Variants in PDE3A observed in about 807,000 individuals in gnomAD.
PDE3A encodes phosphodiesterase 3A.
A neutral mutation model predicts 98.3 loss-of-function variants in PDE3A; 43 were observed. The ratio of observed to expected loss-of-function variants is 0.44; its 90% CI spans 0.34 to 0.56. The LOEUF (loss-of-function observed/expected upper bound fraction) is 0.56. PDE3A is among the 20% of genes least tolerant of loss of function. PDE3A has a pLI of 0.01. For synonymous variants in PDE3A, 663 were observed against 567.9 expected (o/e 1.17, Z -2.38); for missense variants, 1,427 against 1,440.7 (o/e 0.99, Z 0.15).
At chr12:20,553,317 G>A (rs935859786) in intron 1 of PDE3A, among the ~76,000 whole-genome samples, 1 of 98,670 alleles carries the variant, frequency 1.0e-5, no homozygotes, top group African/African-American at 4.0e-5. Context: ...GAAACTACGT[G>A]GTGTGGAGGC....
At chr12:20,391,403 A>G (rs1404392237) in intron 1 of PDE3A, among the ~76,000 whole-genome samples, 1 of 147,758 alleles carries the variant, frequency 6.8e-6, no homozygotes, top group Non-Finnish European at 1.5e-5. Context: ...ACACACATAC[A>G]TGCATTATAC....
chr12:20,537,353 C>T (rs1286012301), intron 1 of PDE3A, among the ~76,000 whole-genome samples: 2 of 151,854 alleles, frequency 1.3e-5, no homozygotes, highest in Non-Finnish European at 2.9e-5. Flanking sequence ...TCTCTCAGTC[C>T]TTGTATTGTC....
chr12:20,605,133 T>C (rs1266977742), intron 2 of PDE3A, among the ~76,000 whole-genome samples: 2 of 152,210 alleles, frequency 1.3e-5, no homozygotes, highest in Non-Finnish European at 2.9e-5. Flanking sequence ...TCTGCAGGTG[T>C]CATTTCTTTG....
chr12:20,658,657 G>T (rs2121521791), intron 15 of PDE3A, among the ~76,000 whole-genome samples: 1 of 152,318 alleles, frequency 6.6e-6, no homozygotes, highest in Middle Eastern at 3.4e-3. Flanking sequence ...ACTTACTAAA[G>T]TTAGGCTCCT....
rs546303457 is a variant in PDE3A, at chr12:20,672,546, A to T, written c.3185-7484A>T. On this transcript the variant is annotated intron_variant, in intron 15 of 15. Coordinates refer to ENST00000359062, the MANE Select transcript of PDE3A (RefSeq NM_000921.5). ...ACAGAGCCCTCAGAAATAACGCTGCATATCTACAACTATCTGATCTTTGAC... is the reference window on the plus strand; with the variant it reads ...ACAGAGCCCTCAGAAATAACGCTGCTTATCTACAACTATCTGATCTTTGAC... 3.3e-3 allele frequency among the ~76,000 whole-genome samples: 505 copies of T among 151,634 alleles called. 1 individual carries two copies. Among genetic ancestry groups the T allele is most frequent in the Non-Finnish European group, 4.6e-3 (315 of 67,928 alleles).
chr12:20,617,798 A>G (rs1944040843), intron 4 of PDE3A, among the ~76,000 whole-genome samples: 1 of 152,072 alleles, frequency 6.6e-6, no homozygotes, highest in Admixed American at 6.6e-5. Context: ...ATTCTTTGTT[A>G]CTTGTAGTCA....
At chr12:20,603,900 G>A (rs1434606078) in intron 2 of PDE3A, among the ~76,000 whole-genome samples, 1 of 152,194 alleles carries the variant, frequency 6.6e-6, no homozygotes, top group Admixed American at 6.5e-5. Flanking sequence ...GCCAGGCATG[G>A]TGGCTCACGC....
At chr12:20,580,103 G>T (rs1431739681) in intron 2 of PDE3A, among the ~76,000 whole-genome samples, 1 of 152,108 alleles carries the variant, frequency 6.6e-6, no homozygotes, top group Admixed American at 6.5e-5. Flanking sequence ...TGTATAGTTA[G>T]CATCAGAGAA....
chr12:20,647,040 A>T, intron 12 of PDE3A, 90 bp downstream of exon 12: 1 of 838,866 alleles, frequency 1.2e-6, no homozygotes, highest in East Asian at 2.5e-5. Context: ...CACCAAGTTA[A>T]TATAAGCCAA....
intron 1 of PDE3A, among the ~76,000 whole-genome samples, chr12:20,439,577 A>T (rs1051740079): frequency 1.3e-5 from 2 of 152,194 alleles, no homozygotes; most frequent in Admixed American, 6.6e-5. Context: ...ACTGCTTATA[A>T]GGCAAAATAT....
chr12:20,430,043 CT>C (rs930189922), intron 1 of PDE3A, among the ~76,000 whole-genome samples: 4 of 151,906 alleles, frequency 2.6e-5, no homozygotes, highest in Non-Finnish European at 5.9e-5. Context: ...TAGTTAAACT[CT>C]TTTTTTTCCA....
At chr12:20,540,726 A>G (rs534515919) in intron 1 of PDE3A, among the ~76,000 whole-genome samples, 1 of 152,150 alleles carries the variant, frequency 6.6e-6, no homozygotes, top group South Asian at 2.1e-4. Context: ...ATTTCTCCAC[A>G]AGTAATAGGA....
intron 1 of PDE3A, among the ~76,000 whole-genome samples, chr12:20,427,432 T>G (rs1944619210): frequency 6.6e-6 from 1 of 152,218 alleles, no homozygotes; most frequent in African/African-American, 2.4e-5. Context: ...TGACTTTACG[T>G]TTTACAGGCA....
intron 1 of PDE3A, among the ~76,000 whole-genome samples, chr12:20,504,871 C>T (rs1022251952): frequency 3.3e-5 from 5 of 152,030 alleles, no homozygotes; most frequent in African/African-American, 9.7e-5. Context: ...CATCCTTAAT[C>T]GCATCTGCAA....
chr12:20,400,137 G>A (rs1944094769), intron 1 of PDE3A, among the ~76,000 whole-genome samples: 2 of 152,088 alleles, frequency 1.3e-5, no homozygotes, highest in African/African-American at 4.8e-5. Context: ...GAGTCCAGGA[G>A]CCAGGGATGC....
At chr12:20,625,969 A>G (rs545391796) in intron 5 of PDE3A, among the ~76,000 whole-genome samples, 2 of 152,194 alleles carry the variant, frequency 1.3e-5, no homozygotes, top group Non-Finnish European at 1.5e-5. Context: ...TGAAGTGAAG[A>G]TAAACATTAA....
chr12:20,535,091 C>G (rs1941714848), intron 1 of PDE3A, among the ~76,000 whole-genome samples: 1 of 152,138 alleles, frequency 6.6e-6, no homozygotes, highest in Non-Finnish European at 1.5e-5. Context: ...ATAGACTCAT[C>G]TTTCTGAAAT....
intron 1 of PDE3A, among the ~76,000 whole-genome samples, chr12:20,530,680 A>G (rs1345320195): frequency 6.6e-6 from 1 of 152,070 alleles, no homozygotes. Flanking sequence ...GTATTGCTTC[A>G]ACCATTTCCC....
At chr12:20,668,413 AAGAC>A (rs1214152485) in intron 15 of PDE3A, among the ~76,000 whole-genome samples, 1 of 151,970 alleles carries the variant, frequency 6.6e-6, no homozygotes, top group Admixed American at 6.6e-5. Context: ...GACAAACAAA[AAGAC>A]AGCAGTAACC....
Sources: gnomAD v4.1 joint callset for allele counts (sites outside exome capture counted in the v4.1 genomes callset) on GRCh38, gnomAD v4.1.1 for gene constraint, MANE v1.5 for transcripts, NCBI Gene and HGNC (gene_info 2026-07-23, HGNC 2026-07-21) for gene names.